The following VASH2 variants were observed in gnomAD, a reference collection of about 807,000 sequenced individuals.
The protein encoded by VASH2 is tubulinyl-Tyr carboxypeptidase 2.
A neutral mutation model predicts 37.2 loss-of-function variants in VASH2; 28 were observed. The ratio of observed to expected loss-of-function variants is 0.75; its 90% CI spans 0.56 to 1.03. The LOEUF is 1.03. Ranked by LOEUF, VASH2 falls within the 50% of genes least tolerant of loss-of-function variation. The pLI, the probability that VASH2 is intolerant of heterozygous loss-of-function variation, is 0.00. For synonymous variants in VASH2, 188 were observed against 174.7 expected, an observed-to-expected ratio of 1.08 and a Z score of -0.60; for missense variants, 419 against 459.1, an observed-to-expected ratio of 0.91 and a Z score of 0.80.
intron 7 of VASH2, among the ~76,000 whole-genome samples, chr1:212,978,012 T>C (rs188013279): frequency 9.6e-4 from 146 of 152,222 alleles, no homozygotes; most frequent in African/African-American, 2.6e-3. Context: ...GATAAAGCCG[T>C]TGGGTGTGAT....
rs749678613 is a variant in VASH2, at chr1:212,972,568, A to C, written c.498-12A>C. 1.2e-6 allele frequency: 2 copies of C among 1,601,900 alleles called. No individual in the cohort carries two copies. Among genetic ancestry groups the C allele is most frequent in the Non-Finnish European group, 1.7e-6 (2 of 1,177,448 alleles). ...AGGCCTCCTTTCTCTTCCTTGACTC[A>C]GATTGTCTAAGCTACTTAACCAATG... On this transcript the variant is annotated splice_polypyrimidine_tract_variant and intron_variant, in intron 5 of 7. Transcript: ENST00000517399.
At chr1:212,962,177 C>T (rs1014109387) in intron 3 of VASH2, among the ~76,000 whole-genome samples, 30 of 152,292 alleles carry the variant, frequency 2.0e-4, no homozygotes, top group Middle Eastern at 3.4e-3. Flanking sequence ...CTTTCTTCTC[C>T]GCATCCGCAG....
At chr1:212,959,419 GCA>G (rs982294404) in intron 2 of VASH2, among the ~76,000 whole-genome samples, 3 of 145,744 alleles carry the variant, frequency 2.1e-5, no homozygotes, top group Non-Finnish European at 3.0e-5. Context: ...GCCTGAGTGT[GCA>G]CACACACTCA....
intron 7 of VASH2, among the ~76,000 whole-genome samples, chr1:212,981,347 G>A (rs7530600): frequency 0.036 from 5,467 of 152,234 alleles, 151 homozygotes; most frequent in African/African-American, 0.071. Flanking sequence ...AGGGAGGAGC[G>A]GACTGGCCTG....
chr1:212,986,355 G>A (rs1667478106), intron 7 of VASH2, among the ~76,000 whole-genome samples: 1 of 152,106 alleles, frequency 6.6e-6, no homozygotes, highest in Non-Finnish European at 1.5e-5. Context: ...TAATGTATGG[G>A]GAGTCTACTT....
chr1:212,972,853 T>C lies in VASH2; in HGVS notation c.771T>C (p.His257=). ...KIGLYVPHEP[H]SFQPIEWKQL... ...GGCTGTACGTCCCCCATGAGCCTCA[T>C]AGCTTCCAGCCCATTGAGTGGAAGC... is the stretch of plus-strand genomic sequence containing the variant. The change falls in exon 6 of 8, where the codon CAT becomes CAC. Residue 257 remains histidine, a synonymous_variant. Transcript: ENST00000517399. 4 of 1,614,144 alleles carry C rather than the reference T, an allele frequency of 2.5e-6. No homozygotes were observed. The highest frequency in any genetic ancestry group is 3.4e-6 in the Non-Finnish European group (4 of 1,180,024).
At position 212,951,805 on chromosome 1, in the gene VASH2, C is replaced by CTT. The variant is rs1666319352; in HGVS notation, c.263_264insTT (p.Phe89SerfsTer18). ...ATGGTGGGCGCCATCAGGAACGCCG[C>CTT]CTTCTTGGCAAAGGTCAGTGGCTTC... On this transcript the variant is annotated frameshift_variant, in exon 2 of 8. Coordinates refer to ENST00000517399, the MANE Select transcript of VASH2 (RefSeq NM_001301056.2). LOFTEE classifies it high-confidence loss of function. The surrounding 1 kb of genome is among the most constrained non-coding windows in gnomAD (Gnocchi z 4.4). 1 of 1,605,156 alleles carries CTT rather than the reference C, an allele frequency of 6.2e-7. No homozygotes were observed. The highest frequency in any genetic ancestry group is 1.7e-5 in the Admixed American group (1 of 58,954).
intron 7 of VASH2, among the ~76,000 whole-genome samples, chr1:212,975,846 A>C (rs1667154960): frequency 6.6e-6 from 1 of 152,212 alleles, no homozygotes; most frequent in Non-Finnish European, 1.5e-5. Flanking sequence ...TAGACTCTAG[A>C]ATCCAGAGGA....
At chr1:212,953,129 G>T (rs973138633) in intron 2 of VASH2, among the ~76,000 whole-genome samples, 2 of 152,112 alleles carry the variant, frequency 1.3e-5, no homozygotes, top group Non-Finnish European at 2.9e-5. Flanking sequence ...GGAAAAAAAC[G>T]CCTGTTCCTA....
At chr1:212,974,742 A>C (rs1667119879) in intron 7 of VASH2, 1 of 152,224 alleles carries the variant, frequency 6.6e-6, no homozygotes. Flanking sequence ...GGGAAAAAAT[A>C]CTGCTTTTCT....
At chr1:212,977,373 G>C (rs1215280682) in intron 7 of VASH2, among the ~76,000 whole-genome samples, 3 of 152,154 alleles carry the variant, frequency 2.0e-5, no homozygotes, top group African/African-American at 7.2e-5. Context: ...TTCTCCTGGG[G>C]CTTTTGTCTT....
chr1:212,988,493 TTC>T lies in VASH2; in HGVS notation c.996-17_996-16del, dbSNP rs780519603. 1.9e-6 allele frequency: 3 copies of T among 1,613,574 alleles called. No individual in the cohort carries two copies. Among genetic ancestry groups the T allele is most frequent in the African/African-American group, 1.3e-5 (1 of 74,906 alleles). On this transcript the variant is annotated splice_polypyrimidine_tract_variant and intron_variant, in intron 7 of 7. Coordinates refer to ENST00000517399, the MANE Select transcript of VASH2 (RefSeq NM_001301056.2). ...CCCCATCCCCTCTCCTCCACCATAT[TTC>T]TGTCTTTTACCCTTAGGCCTGCACT...
chr1:212,963,418 T>C (rs887407918), intron 3 of VASH2, among the ~76,000 whole-genome samples: 2 of 152,152 alleles, frequency 1.3e-5, no homozygotes, highest in Admixed American at 1.3e-4. Flanking sequence ...TGGGACTTCC[T>C]ACTGCTTTGT....
At chr1:212,975,118 T>G (rs1234249211) in intron 7 of VASH2, among the ~76,000 whole-genome samples, 1 of 152,188 alleles carries the variant, frequency 6.6e-6, no homozygotes, top group Middle Eastern at 3.2e-3. Context: ...GGGCTTGTTA[T>G]CTTGTAGTAA....
intron 7 of VASH2, among the ~76,000 whole-genome samples, chr1:212,986,434 A>T (rs1667481118): frequency 6.6e-6 from 1 of 152,244 alleles, no homozygotes. Context: ...ATGGAGGCTC[A>T]CTTCAGGCTT....
intron 5 of VASH2, chr1:212,968,869 T>TC: frequency 1.0e-6 from 1 of 985,454 alleles, no homozygotes; most frequent in Non-Finnish European, 1.2e-6. Context: ...AGACTCTTTG[T>TC]TGAGGGGTGT....
intron 7 of VASH2, among the ~76,000 whole-genome samples, chr1:212,975,453 C>G (rs1376083810): frequency 6.6e-6 from 1 of 152,194 alleles, no homozygotes; most frequent in African/African-American, 2.4e-5. Flanking sequence ...ATAGGTTTGT[C>G]CTTGCAGGGA....
intron 5 of VASH2, among the ~76,000 whole-genome samples, chr1:212,966,795 T>G (rs2102636110): frequency 6.6e-6 from 1 of 152,356 alleles, no homozygotes; most frequent in Admixed American, 6.5e-5. Flanking sequence ...TGATATGATC[T>G]CAGCTCGCTG....
Position 212,966,268 on chromosome 1 carries a change from C to T in VASH2, c.423-3C>T, listed in dbSNP as rs1035069719. 3 of 1,551,338 alleles carry T rather than the reference C, an allele frequency of 1.9e-6. No homozygotes were observed. In the African/African-American group the frequency reaches 4.1e-5, roughly 21 times the overall value. On this transcript the variant is annotated splice_region_variant and splice_polypyrimidine_tract_variant and intron_variant, in intron 4 of 7. Transcript: ENST00000517399. ...AGATCCTCTGCTGTGCTCTATCCTA[C>T]AGGTTAATGGAAACAGCAAAAGAAA...
Sources: gnomAD v4.1 joint callset for allele counts (sites outside exome capture counted in the v4.1 genomes callset) on GRCh38, gnomAD v4.1.1 for gene constraint, Gnocchi (gnomAD v3.1) non-coding constraint, MANE v1.5 for transcripts, NCBI Gene and HGNC (gene_info 2026-07-23, HGNC 2026-07-21) for gene names.